The following PCDHGB3 variants were observed in gnomAD, a reference collection of about 807,000 sequenced individuals.
PCDHGB3 encodes protocadherin gamma-B3.
Under a neutral mutation model 59.2 loss-of-function variants are expected in PCDHGB3, and 40 were observed. The observed-to-expected ratio is 0.68, with a 90% CI of 0.52 to 0.88. The LOEUF (loss-of-function observed/expected upper bound fraction) is 0.88, where lower values mean the gene tolerates loss of function less well. Ranked by LOEUF, PCDHGB3 falls within the 40% of genes least tolerant of loss-of-function variation. The probability of loss-of-function intolerance (pLI) is 0.00; values close to 1 mark genes in which losing one functional copy is unlikely to be tolerated. For synonymous variants in PCDHGB3, 581 were observed against 503.6 expected (o/e 1.15, Z -2.06); for missense variants, 1,309 against 1,187.9 (o/e 1.10, Z -1.50).
At chr5:141,419,392 C>A (rs1338481275) in intron 1 of PCDHGB3, 1 of 1,613,612 alleles carries the variant, frequency 6.2e-7, no homozygotes, top group Non-Finnish European at 8.5e-7. Flanking sequence ...GCGCGCAGAG[C>A]GGGGTGGTGT....
rs61612330 is a variant in PCDHGB3, at chr5:141,454,796, A to ATTTTTTT, written c.2416-39988_2416-39982dup. On this transcript the variant is annotated intron_variant, in intron 1 of 3. Transcript: ENST00000576222. Reference sequence around the variant, plus strand: ...AAGGAAATAATCCTCCATGGTTCTAATTTTTTTTTTTTTTTTTTTTTTTTT... The same window carrying ATTTTTTT: ...AAGGAAATAATCCTCCATGGTTCTAATTTTTTTTTTTTTTTTTTTTTTTTTTTTTTTT... Among the ~76,000 whole-genome samples the ATTTTTTT allele has an allele frequency of 2.6e-3, 198 of 77,448 alleles. 27 individuals are homozygous for ATTTTTTT. The highest frequency in any genetic ancestry group is 8.4e-3 in the African/African-American group (141 of 16,874). The allele number at this position is 77,448 out of a possible 152,430, so 50.8% of individuals were successfully genotyped here. A position where few individuals can be genotyped will look rare whatever the true frequency, so the allele number is the denominator to read the frequency against.
At chr5:141,377,569 C>A (rs1774120455) in intron 1 of PCDHGB3, 1 of 151,048 alleles carries the variant, frequency 6.6e-6, no homozygotes, top group African/African-American at 2.4e-5. Context: ...GCACCCTAGC[C>A]TGGGAGACAG....
intron 1 of PCDHGB3, chr5:141,403,389 C>T (rs764725441): frequency 1.2e-6 from 2 of 1,614,050 alleles, no homozygotes; most frequent in South Asian, 1.1e-5. Context: ...AACGAAATCG[C>T]GGTTCCTGGA....
chr5:141,460,681 A>G (rs2098995379), intron 1 of PCDHGB3, among the ~76,000 whole-genome samples: 1 of 152,134 alleles, frequency 6.6e-6, no homozygotes, highest in African/African-American at 2.4e-5. Context: ...ATATATCTAT[A>G]TATCCACCAA....
In PCDHGB3 at chr5:141,511,774, T is replaced by C. The variant is rs1173144009; in HGVS notation, c.*601T>C. 6.2e-6 allele frequency: 1 copy of C among 160,350 alleles called. No homozygotes were observed. The highest frequency in any genetic ancestry group is 1.4e-5 in the Non-Finnish European group (1 of 72,132). The allele number at this position is 160,350 out of a possible 1,614,324, so 9.9% of individuals were successfully genotyped here. A position where few individuals can be genotyped will look rare whatever the true frequency, so the allele number is the denominator to read the frequency against. On this transcript the variant is annotated 3_prime_UTR_variant, in exon 4 of 4. Coordinates refer to ENST00000576222, the MANE Select transcript of PCDHGB3 (RefSeq NM_018924.5). ...ATGATCACCATCCCCATGGTACTGA[T>C]GCTTGCTGGATTTAGGGAGGGCATT...
chr5:141,416,053 A>T (rs2095987443), intron 1 of PCDHGB3: 1 of 181,266 alleles, frequency 5.5e-6, no homozygotes, highest in South Asian at 1.8e-4. Flanking sequence ...CACAACCCAA[A>T]TCCAAGAATA....
At chr5:141,478,428 C>G in intron 1 of PCDHGB3, 1 of 1,613,746 alleles carries the variant, frequency 6.2e-7, no homozygotes. Flanking sequence ...CGCAGCGACC[C>G]GCTGCTGAAG....
intron 1 of PCDHGB3, among the ~76,000 whole-genome samples, chr5:141,463,736 G>A (rs757788192): frequency 1.3e-5 from 2 of 151,992 alleles, no homozygotes; most frequent in East Asian, 3.9e-4. Flanking sequence ...ATGAGCCACC[G>A]CGCCCGGCCT....
chr5:141,491,199 C>T lies in PCDHGB3; in HGVS notation c.2416-3608C>T. ...TGGTCCTGGTGAGGGACAATGGTGA[C>T]CCTTCACTCTCCTCCACAGCCACAG... On this transcript the variant is annotated intron_variant, in intron 1 of 3. Coordinates refer to ENST00000576222, the MANE Select transcript of PCDHGB3 (RefSeq NM_018924.5). The surrounding 1 kb of genome is among the most constrained non-coding windows in gnomAD (Gnocchi z 6.9). 1 of 1,614,190 alleles carries T rather than the reference C, an allele frequency of 6.2e-7. No homozygotes were observed. Among genetic ancestry groups the T allele is most frequent in the South Asian group, 1.1e-5 (1 of 91,086 alleles).
chr5:141,423,170 A>T (rs755141371), intron 1 of PCDHGB3: 1 of 1,613,504 alleles, frequency 6.2e-7, no homozygotes, highest in South Asian at 1.1e-5. Flanking sequence ...GTGGCCGTCC[A>T]GGACCACGGC....
At chr5:141,510,518 G>A (rs904482737) in intron 3 of PCDHGB3, among the ~76,000 whole-genome samples, 9 of 152,112 alleles carry the variant, frequency 5.9e-5, no homozygotes, top group Non-Finnish European at 1.0e-4. Flanking sequence ...CCGTGTCACA[G>A]CCCTGAGAGA....
chr5:141,406,390 ATTC>A (rs2094804697), intron 1 of PCDHGB3, among the ~76,000 whole-genome samples: 1 of 152,172 alleles, frequency 6.6e-6, no homozygotes, highest in Non-Finnish European at 1.5e-5. Flanking sequence ...AGGTAAATGT[ATTC>A]TTCTTAGAGA....
rs186593502 is a variant in PCDHGB3 at position 141,429,415 on chromosome 5, A to G, written c.2415+56606A>G. Among the ~76,000 whole-genome samples, 582 of 151,976 alleles carry G rather than the reference A, an allele frequency of 3.8e-3. 6 individuals carry two copies. The highest frequency in any genetic ancestry group is 0.011 in the Admixed American group (171 of 15,260). ...AAAAAATTGAGATTAAGGTCTCATT[A>G]TGTTGCCCAGGCTGGACTCAAACTC... is the stretch of plus-strand genomic sequence containing the variant. On this transcript the variant is annotated intron_variant, in intron 1 of 3. Transcript: ENST00000576222.
intron 1 of PCDHGB3, chr5:141,374,117 G>T: frequency 1.9e-6 from 3 of 1,587,564 alleles, no homozygotes; most frequent in South Asian, 1.1e-5. Context: ...GCAGCGCAGC[G>T]AGCAGGTCCT....
rs754728562 is a variant in PCDHGB3, at chr5:141,489,487, G to A, written c.2416-5320G>A. 6.2e-7 allele frequency: 1 copy of A among 1,613,942 alleles called. No individual in the cohort carries two copies. On this transcript the variant is annotated intron_variant, in intron 1 of 3. Coordinates refer to ENST00000576222, the MANE Select transcript of PCDHGB3 (RefSeq NM_018924.5). This position sits in a 1 kb window ranked among gnomAD's most constrained non-coding sequence, Gnocchi z 4.5. The stretch of plus-strand genomic sequence containing the variant: ...TTTTTCCCTGAGCTTGATGAGTGGT[G>A]CCCTGGCAGTGAATCAAAAGATTGA...
rs376466215 is a variant in PCDHGB3, at chr5:141,390,102, A to G, written c.2415+17293A>G. ...TAAATCCGAATCCGTGGTTCCCCCC[A>G]ACTACAGCGAGGGGACTTTGCCTTA... is the stretch of plus-strand genomic sequence containing the variant. On this transcript the variant is annotated intron_variant, in intron 1 of 3. Transcript: ENST00000576222. The G allele has an allele frequency of 4.3e-6, 7 of 1,613,886 alleles. No homozygotes were observed. The African/African-American group carries it at 6.7e-5, about 15-fold the overall frequency.
intron 1 of PCDHGB3, chr5:141,394,755 G>A (rs2093086176): frequency 1.2e-6 from 2 of 1,613,434 alleles, no homozygotes; most frequent in Non-Finnish European, 8.5e-7. Context: ...GGCCGTCCAG[G>A]ACCATGGCCA....
chr5:141,377,938 A>T (rs1447195904), intron 1 of PCDHGB3: 1 of 152,228 alleles, frequency 6.6e-6, no homozygotes, highest in Non-Finnish European at 1.5e-5. Flanking sequence ...ACTGCTGCTT[A>T]TAGAGTGTGT....
chr5:141,392,970 G>A (rs2092639280), intron 1 of PCDHGB3: 1 of 1,613,778 alleles, frequency 6.2e-7, no homozygotes, highest in Non-Finnish European at 8.5e-7. Flanking sequence ...CAAGGACCTG[G>A]GGCTGGACCC....
Sources: allele counts gnomAD v4.1 joint callset (sites outside exome capture counted in the v4.1 genomes callset), GRCh38; gene constraint gnomAD v4.1.1; non-coding constraint Gnocchi (gnomAD v3.1); transcripts MANE v1.5; gene names NCBI Gene and HGNC (gene_info 2026-07-23, HGNC 2026-07-21).